Variants in POT1 observed in about 807,000 individuals in gnomAD.
POT1 encodes protection of telomeres 1, also known as protection of telomeres protein 1.
Under a neutral mutation model 78.5 loss-of-function variants are expected in POT1, and 47 were observed. That is an observed-to-expected ratio of 0.60 (90% CI 0.47 to 0.76). POT1 has a LOEUF of 0.76. Ranked by LOEUF, POT1 falls within the 30% of genes least tolerant of loss-of-function variation. The pLI is 0.00. For missense variants in POT1, 646 were observed against 749.9 expected (o/e 0.86, Z 1.62); for synonymous variants, 259 against 260.7 (o/e 0.99, Z 0.06).
At chr7:124,849,097 C>T (rs572023727) in intron 11 of POT1, among the ~76,000 whole-genome samples, 2 of 152,264 alleles carry the variant, frequency 1.3e-5, no homozygotes, top group African/African-American at 4.8e-5. Context: ...CATACACAAA[C>T]ATATCCTCAA....
intron 10 of POT1, 44 bp from the exon 11 acceptor site, chr7:124,851,995 C>A: frequency 7.4e-7 from 1 of 1,348,222 alleles, no homozygotes; most frequent in South Asian, 1.2e-5. Context: ...AAAACAAAGT[C>A]AATATAGTAA....
chr7:124,885,204 C>T (rs952657547), intron 6 of POT1, among the ~76,000 whole-genome samples: 1 of 148,422 alleles, frequency 6.7e-6, no homozygotes, highest in East Asian at 2.0e-4. Context: ...ACCGGTAATC[C>T]CAGCACTTTG....
At chr7:124,882,067 G>T (rs937225093) in intron 6 of POT1, among the ~76,000 whole-genome samples, 1 of 151,888 alleles carries the variant, frequency 6.6e-6, no homozygotes, top group Non-Finnish European at 1.5e-5. Flanking sequence ...GCAATTCAAC[G>T]AATTGACTCA....
intron 15 of POT1, among the ~76,000 whole-genome samples, chr7:124,833,106 C>G (rs889727059): frequency 4.6e-5 from 7 of 151,898 alleles, no homozygotes; most frequent in Non-Finnish European, 8.8e-5. Context: ...AATTAAAAAT[C>G]ATTTTATTTT....
chr7:124,846,863 T>C (rs1341960623), intron 12 of POT1, 79 bp downstream of exon 12: 31 of 985,370 alleles, frequency 3.1e-5, no homozygotes, highest in Non-Finnish European at 4.7e-5. Flanking sequence ...TAGAAAGAAA[T>C]GGATTAGCTG....
intron 6 of POT1, among the ~76,000 whole-genome samples, chr7:124,872,236 CTTAGGT>C (rs1795888293): frequency 1.3e-5 from 2 of 152,060 alleles, no homozygotes; most frequent in African/African-American, 4.8e-5. Flanking sequence ...TTAATGGATG[CTTAGGT>C]TTATTCTATG....
intron 8 of POT1, among the ~76,000 whole-genome samples, chr7:124,863,032 G>A (rs956876059): frequency 5.3e-5 from 8 of 152,044 alleles, no homozygotes; most frequent in Admixed American, 5.2e-4. Flanking sequence ...AAATATTCAT[G>A]TATAGGACTA....
chr7:124,886,274 C>T (rs1796241262), intron 6 of POT1, among the ~76,000 whole-genome samples: 1 of 152,106 alleles, frequency 6.6e-6, no homozygotes, highest in Non-Finnish European at 1.5e-5. Flanking sequence ...TAATTTTCCA[C>T]CACATAACTA....
chr7:124,854,916 A>C (rs1795406892), intron 9 of POT1, among the ~76,000 whole-genome samples: 1 of 151,788 alleles, frequency 6.6e-6, no homozygotes, highest in Non-Finnish European at 1.5e-5. Context: ...ATGATCTACA[A>C]AAGATTTGAA....
At chr7:124,852,809 T>C (rs1261912323) in intron 10 of POT1, among the ~76,000 whole-genome samples, 163 bp downstream of exon 10, 4 of 152,154 alleles carry the variant, frequency 2.6e-5, no homozygotes, top group African/African-American at 9.6e-5. Context: ...CTTAGCTCTA[T>C]GAGCCTATAA....
chr7:124,828,055 T>TA (rs946904666), intron 16 of POT1, among the ~76,000 whole-genome samples: 5 of 151,292 alleles, frequency 3.3e-5, no homozygotes, highest in Admixed American at 1.3e-4. Flanking sequence ...AATAAATAAA[T>TA]AAAAAAAACA....
At chr7:124,850,122 A>G (rs1212671642) in intron 11 of POT1, among the ~76,000 whole-genome samples, 1 of 152,224 alleles carries the variant, frequency 6.6e-6, no homozygotes, top group Non-Finnish European at 1.5e-5. Flanking sequence ...TACTGTCTCC[A>G]AGTGATTTGT....
At chr7:124,900,764 C>T (rs561435492) in intron 3 of POT1, 9 of 286,534 alleles carry the variant, frequency 3.1e-5, no homozygotes, top group East Asian at 2.0e-4. Flanking sequence ...GAAGCCATGA[C>T]GGTCAGTACC....
chr7:124,875,668 A>T (rs987255732), intron 6 of POT1, among the ~76,000 whole-genome samples: 6 of 152,198 alleles, frequency 3.9e-5, no homozygotes, highest in Non-Finnish European at 7.4e-5. Context: ...TTATCTCCAG[A>T]TGATATCCTA....
chr7:124,896,611 C>A (rs1457967523), intron 5 of POT1, among the ~76,000 whole-genome samples: 3 of 151,688 alleles, frequency 2.0e-5, no homozygotes, highest in Non-Finnish European at 4.4e-5. Context: ...CACCTTCTTT[C>A]CAGTTTCACT....
chr7:124,838,666 C>T (rs1419566568), intron 14 of POT1, among the ~76,000 whole-genome samples: 3 of 151,706 alleles, frequency 2.0e-5, no homozygotes, highest in Admixed American at 6.6e-5. Context: ...AGTGCAATGG[C>T]GCGATCTCGG....
intron 15 of POT1, among the ~76,000 whole-genome samples, chr7:124,831,240 T>C (rs1467545073): frequency 6.6e-6 from 1 of 152,218 alleles, no homozygotes; most frequent in Non-Finnish European, 1.5e-5. Flanking sequence ...GACCATATAT[T>C]GTTAAAACCA....
chr7:124,887,729 C>T (rs1412091117), intron 6 of POT1, among the ~76,000 whole-genome samples: 1 of 151,886 alleles, frequency 6.6e-6, no homozygotes, highest in East Asian at 1.9e-4. Flanking sequence ...AGCATTTTTC[C>T]CTTCTGAATG....
At chr7:124,904,753 G>A (rs1294485647) in intron 3 of POT1, among the ~76,000 whole-genome samples, 1 of 152,114 alleles carries the variant, frequency 6.6e-6, no homozygotes, top group African/African-American at 2.4e-5. Context: ...AACCCCATCG[G>A]TCTCAGCTCA....
Sources: allele counts gnomAD v4.1 joint callset (sites outside exome capture counted in the v4.1 genomes callset), GRCh38; gene constraint gnomAD v4.1.1; transcripts MANE v1.5; gene names NCBI Gene and HGNC (gene_info 2026-07-23, HGNC 2026-07-21).